CSMD3: variants seen among roughly 807,000 people sequenced by gnomAD.
CSMD3 encodes CUB and Sushi multiple domains 3.
A neutral mutation model predicts 435.2 loss-of-function variants in CSMD3; 177 were observed. The observed-to-expected ratio is 0.41, with a 90% CI of 0.36 to 0.46. CSMD3 has a LOEUF of 0.46. Among genes scored for constraint, CSMD3 ranks in the 20% least tolerant of loss-of-function variants. The pLI, the probability that CSMD3 is intolerant of heterozygous loss-of-function variation, is 0.34. For missense variants in CSMD3, 4,265 were observed against 4,504.6 expected (o/e 0.95, Z 1.52); for synonymous variants, 1,656 against 1,520.5 (o/e 1.09, Z -2.07).
chr8:112,225,073 G>T, intron 70 of CSMD3, 143 bp from the exon 71 acceptor site: 1 of 814,086 alleles, frequency 1.2e-6, no homozygotes, highest in Non-Finnish European at 2.1e-6. Context: ...AAGTCAACTT[G>T]AACAATTTCC....
chr8:112,870,622 C>A (rs911086246), intron 10 of CSMD3, among the ~76,000 whole-genome samples: 1 of 152,066 alleles, frequency 6.6e-6, no homozygotes, highest in Non-Finnish European at 1.5e-5. Context: ...TAAAAAATTT[C>A]ACCAAACAAA....
At chr8:112,330,385 C>T (rs1283406804) in intron 45 of CSMD3, among the ~76,000 whole-genome samples, 5 of 152,088 alleles carry the variant, frequency 3.3e-5, no homozygotes, top group Admixed American at 2.0e-4. Flanking sequence ...AAATCTTCCA[C>T]TTACAAAGTG....
chr8:112,245,269 A>G (rs1272110965), intron 64 of CSMD3, among the ~76,000 whole-genome samples: 1 of 151,766 alleles, frequency 6.6e-6, no homozygotes, highest in African/African-American at 2.4e-5. Flanking sequence ...CCCTTATTTC[A>G]TCGGTTTTAT....
rs534817055 is a variant in CSMD3, at chr8:112,471,562, A to G, written c.5395+1029T>C. Among the ~76,000 whole-genome samples, 6 of 152,258 alleles carry G rather than the reference A, an allele frequency of 3.9e-5. No individual in the cohort carries two copies. In the South Asian group the frequency reaches 1.2e-3, roughly 32 times the overall value. On this transcript the variant is annotated intron_variant, in intron 32 of 70. Coordinates refer to ENST00000297405, the MANE Select transcript of CSMD3 (RefSeq NM_198123.2). ...TAAAAGGTTTAGTACTACATTTCTG[A>G]TGACAGTACTCTCAAATAAGTTGAA...
intron 22 of CSMD3, among the ~76,000 whole-genome samples, chr8:112,607,070 A>G (rs145240135): frequency 1.3e-5 from 2 of 151,628 alleles, no homozygotes; most frequent in East Asian, 1.9e-4. Context: ...TAGGAAAGCA[A>G]TAGAAAAGAT....
At chr8:112,891,107 G>GC (rs2081773921) in intron 10 of CSMD3, among the ~76,000 whole-genome samples, 1 of 151,496 alleles carries the variant, frequency 6.6e-6, no homozygotes, top group Non-Finnish European at 1.5e-5. Context: ...TTGTTCCAAA[G>GC]CCACACGACA....
chr8:112,890,836 A>C (rs1362089834), intron 10 of CSMD3, among the ~76,000 whole-genome samples: 2 of 151,656 alleles, frequency 1.3e-5, no homozygotes, highest in Non-Finnish European at 3.0e-5. Context: ...GAAGGAGGTG[A>C]GAAAGTTATA....
chr8:113,086,880 T>C (rs1209045857), intron 5 of CSMD3, among the ~76,000 whole-genome samples: 1 of 152,202 alleles, frequency 6.6e-6, no homozygotes, highest in Non-Finnish European at 1.5e-5. Flanking sequence ...AGATCTTTAA[T>C]AACTTAAAAA....
chr8:112,263,516 T>C (rs1027641378), intron 61 of CSMD3, 123 bp downstream of exon 61: 15 of 760,640 alleles, frequency 2.0e-5, no homozygotes, highest in Middle Eastern at 7.3e-4. Context: ...AGTAGCTACA[T>C]TGGTAAATAC....
At chr8:112,251,234 T>C (rs536698270) in intron 63 of CSMD3, among the ~76,000 whole-genome samples, 8 of 151,862 alleles carry the variant, frequency 5.3e-5, no homozygotes, top group African/African-American at 1.9e-4. Context: ...TTTTTAAAAA[T>C]AAATTTACGT....
At chr8:112,601,804 T>G (rs2131419962) in intron 22 of CSMD3, among the ~76,000 whole-genome samples, 1 of 152,342 alleles carries the variant, frequency 6.6e-6, no homozygotes, top group South Asian at 2.1e-4. Context: ...TTATATAGTG[T>G]CCCTTCTAAT....
intron 10 of CSMD3, among the ~76,000 whole-genome samples, chr8:112,918,768 T>C (rs1210419244): frequency 6.6e-6 from 1 of 152,018 alleles, no homozygotes; most frequent in East Asian, 1.9e-4. Flanking sequence ...CATAATTTGC[T>C]GTCTGTGTGA....
chr8:113,133,916 G>A (rs1340776920), intron 4 of CSMD3, among the ~76,000 whole-genome samples: 1 of 152,014 alleles, frequency 6.6e-6, no homozygotes, highest in South Asian at 2.1e-4. Context: ...AAGAGGAGTT[G>A]TTTAACAGGT....
intron 61 of CSMD3, among the ~76,000 whole-genome samples, chr8:112,258,402 A>G (rs770818788): frequency 4.6e-5 from 7 of 152,238 alleles, no homozygotes; most frequent in Non-Finnish European, 1.0e-4. Context: ...GCTAATATCC[A>G]GAATCTACAA....
chr8:112,284,014 A>T (rs1818924244), intron 58 of CSMD3, among the ~76,000 whole-genome samples: 2 of 141,052 alleles, frequency 1.4e-5, no homozygotes, highest in African/African-American at 5.1e-5. Flanking sequence ...CCCCATTAAT[A>T]TGTAAAATTA....
intron 38 of CSMD3, among the ~76,000 whole-genome samples, chr8:112,361,979 A>G (rs1404193319): frequency 6.6e-6 from 1 of 151,852 alleles, no homozygotes; most frequent in African/African-American, 2.4e-5. Context: ...TGTTGATACT[A>G]CCTTTAAGGG....
intron 10 of CSMD3, among the ~76,000 whole-genome samples, chr8:112,920,564 A>C (rs2082703239): frequency 6.6e-6 from 1 of 151,906 alleles, no homozygotes; most frequent in Non-Finnish European, 1.5e-5. Flanking sequence ...CCTCAATGAT[A>C]TGGTTCTTGC....
At chr8:112,267,753 A>G (rs1817088285) in intron 59 of CSMD3, among the ~76,000 whole-genome samples, 1 of 152,160 alleles carries the variant, frequency 6.6e-6, no homozygotes, top group Non-Finnish European at 1.5e-5. Context: ...AGAGTTCTGC[A>G]CATCATGGCA....
At chr8:113,270,985 TA>T (rs3048870) in intron 3 of CSMD3, among the ~76,000 whole-genome samples, 70 of 148,278 alleles carry the variant, frequency 4.7e-4, no homozygotes, top group Non-Finnish European at 8.2e-4. Flanking sequence ...TCAAAAAGCA[TA>T]AAAAAAAAAA....
Sources: allele counts gnomAD v4.1 joint callset (sites outside exome capture counted in the v4.1 genomes callset), GRCh38; gene constraint gnomAD v4.1.1; transcripts MANE v1.5; gene names NCBI Gene and HGNC (gene_info 2026-07-23, HGNC 2026-07-21).